The following NPHP4 variants were observed in gnomAD, a reference collection of about 807,000 sequenced individuals.
The protein encoded by NPHP4 is nephrocystin-4.
A neutral mutation model predicts 155.8 loss-of-function variants in NPHP4; 151 were observed. The ratio of observed to expected loss-of-function variants is 0.97; its 90% CI spans 0.85 to 1.11. The LOEUF (loss-of-function observed/expected upper bound fraction) is 1.11. NPHP4 is among the 50% of genes least tolerant of loss of function. NPHP4 has a pLI of 0.00. For missense variants in NPHP4, 1,956 were observed against 1,925.7 expected (o/e 1.02, Z -0.29); for synonymous variants, 845 against 816.8 (o/e 1.03, Z -0.59).
At chr1:5,988,040 A>G (rs1655736024) in intron 1 of NPHP4, among the ~76,000 whole-genome samples, 1 of 152,242 alleles carries the variant, frequency 6.6e-6, no homozygotes, top group South Asian at 2.1e-4. Flanking sequence ...ATGTGTCAAT[A>G]GTTGGAAGGT....
At chr1:5,919,274 A>G (rs1645620993) in intron 11 of NPHP4, among the ~76,000 whole-genome samples, 2 of 152,342 alleles carry the variant, frequency 1.3e-5, no homozygotes, top group African/African-American at 4.8e-5. Context: ...CATAACTGTA[A>G]AACTCCCCAC....
At chr1:5,895,485 G>A (rs1452056751) in intron 16 of NPHP4, among the ~76,000 whole-genome samples, 1 of 152,150 alleles carries the variant, frequency 6.6e-6, no homozygotes, top group Non-Finnish European at 1.5e-5. Context: ...GGGCAACAGA[G>A]TAAGACTTCG....
chr1:5,931,253 T>C (rs1320179289), intron 10 of NPHP4, among the ~76,000 whole-genome samples: 1 of 152,168 alleles, frequency 6.6e-6, no homozygotes, highest in Non-Finnish European at 1.5e-5. Flanking sequence ...TTACACGTAA[T>C]GTAATTATAG....
intron 3 of NPHP4, among the ~76,000 whole-genome samples, chr1:5,970,834 G>GATGCAT (rs754285804): frequency 1.4e-4 from 22 of 151,966 alleles, no homozygotes. Context: ...ATAACAGAGA[G>GATGCAT]ATGCATTAAA....
At chr1:5,879,671 G>A (rs753571045) in intron 19 of NPHP4, 9 of 508,766 alleles carry the variant, frequency 1.8e-5, no homozygotes, top group Middle Eastern at 6.5e-4. Context: ...TGGCTCGGTG[G>A]GGCCTGTGGG....
intron 23 of NPHP4, among the ~76,000 whole-genome samples, chr1:5,868,826 GCA>G (rs1036037709): frequency 1.5e-4 from 13 of 86,172 alleles, no homozygotes; most frequent in East Asian, 1.5e-3. Context: ...ACCCACACAT[GCA>G]CACACGCACC....
At chr1:5,973,413 C>T (rs1006210514) in intron 3 of NPHP4, among the ~76,000 whole-genome samples, 6 of 152,208 alleles carry the variant, frequency 3.9e-5, no homozygotes, top group African/African-American at 1.2e-4. Flanking sequence ...AATATCTAAC[C>T]CCAGCTCTAC....
chr1:5,990,046 G>A (rs1656011880), intron 1 of NPHP4, among the ~76,000 whole-genome samples: 2 of 152,208 alleles, frequency 1.3e-5, no homozygotes, highest in South Asian at 4.1e-4. Context: ...GGGAGCCCAA[G>A]CGCCCGCAGC....
chr1:5,956,059 T>TGGG lies in NPHP4; in HGVS notation c.674-3226_674-3224dup, dbSNP rs35135056. 1.3e-3 allele frequency among the ~76,000 whole-genome samples: 140 copies of TGGG among 105,456 alleles called. 1 individual carries two copies. Among genetic ancestry groups the TGGG allele is most frequent in the South Asian group, 2.4e-3 (8 of 3,290 alleles). 69.2% of individuals were successfully genotyped at this position (105,456 alleles called of 152,430 possible). A position where few individuals can be genotyped will look rare whatever the true frequency, so the allele number is the denominator to read the frequency against. On this transcript the variant is annotated intron_variant, in intron 6 of 29. Transcript: ENST00000378156. ...ATTTTAACAGAATGTTTCAAAAAGC[T>TGGG]GGGGGGGGGGGGTGCAGGGAGGGAT...
intron 23 of NPHP4, among the ~76,000 whole-genome samples, chr1:5,871,340 T>C (rs949201823): frequency 1.3e-5 from 2 of 152,124 alleles, no homozygotes; most frequent in African/African-American, 2.4e-5. Context: ...GGTGCCTCCA[T>C]GGGATGAGAA....
Position 5,909,179 on chromosome 1 carries a change from G to C in NPHP4, c.1476C>G (p.Ala492=), listed in dbSNP as rs2101236808. 1 of 1,603,602 alleles carries C rather than the reference G, an allele frequency of 6.2e-7. No homozygotes were observed. Among genetic ancestry groups the C allele is most frequent in the East Asian group, 2.2e-5 (1 of 44,578 alleles). ...PPAPVPRVLA[A]PQNSPVGPGL... is the part of the protein sequence containing the mutation. Reference sequence around the variant, plus strand: ...CTGGTCCCACAGGTGAGTTCTGCGGGGCAGCGAGAACTCGAGGTACTGGCG... The same window carrying C: ...CTGGTCCCACAGGTGAGTTCTGCGGCGCAGCGAGAACTCGAGGTACTGGCG... The change falls in exon 12 of 30, where the codon GCC becomes GCG. Residue 492 remains alanine, a synonymous_variant. Coordinates refer to ENST00000378156, the MANE Select transcript of NPHP4 (RefSeq NM_015102.5).
At position 5,973,957 on chromosome 1, in the gene NPHP4, C is replaced by A. The variant is rs994369814; in HGVS notation, c.279+4313G>T. 5.9e-5 allele frequency among the ~76,000 whole-genome samples: 9 copies of A among 152,208 alleles called. 1 individual carries two copies. Among genetic ancestry groups the A allele is most frequent in the African/African-American group, 2.2e-4 (9 of 41,444 alleles). The stretch of plus-strand genomic sequence containing the variant: ...TTGTTGTGATGATGTTCAGGACATG[C>A]CTGCCCTCTGCCGAGCAACAGCAAG... On this transcript the variant is annotated intron_variant, in intron 3 of 29. Transcript: ENST00000378156.
At chr1:5,923,276 C>A (rs987731205) in intron 11 of NPHP4, among the ~76,000 whole-genome samples, 1 of 152,198 alleles carries the variant, frequency 6.6e-6, no homozygotes, top group Non-Finnish European at 1.5e-5. Flanking sequence ...TTGACCCTCC[C>A]ATCTAAAATA....
At chr1:5,949,826 C>T (rs1190154329) in intron 7 of NPHP4, among the ~76,000 whole-genome samples, 1 of 152,134 alleles carries the variant, frequency 6.6e-6, no homozygotes, top group African/African-American at 2.4e-5. Context: ...CAGGAAGCAG[C>T]ACACAGTGAA....
chr1:5,888,326 C>T (rs565023527), intron 17 of NPHP4: 21 of 1,048,090 alleles, frequency 2.0e-5, no homozygotes, highest in Non-Finnish European at 2.2e-5. Flanking sequence ...GGACACTCTT[C>T]CCCCGTGCCC....
chr1:5,871,488 A>C (rs1447078874), intron 23 of NPHP4, among the ~76,000 whole-genome samples: 2 of 152,212 alleles, frequency 1.3e-5, no homozygotes, highest in East Asian at 3.9e-4. Flanking sequence ...TTTCAAGTAC[A>C]AAGTATATTT....
At position 5,969,119 on chromosome 1, in the gene NPHP4, C is replaced by T. The variant is rs377403419; in HGVS notation, c.420G>A (p.Pro140=). ...CCTGGGAAGCAGAGATAGGAGAGTC[C>T]GGCTGGTTGCTGAAGATCCGAAGAA... ...FGILRIFSNQ[P]DSPISASQDK... The change falls in exon 4 of 30, where the codon CCG becomes CCA. Residue 140 remains proline (P), a synonymous_variant. Transcript: ENST00000378156. 16 of 1,551,022 alleles carry T rather than the reference C, an allele frequency of 1.0e-5. No individual in the cohort carries two copies. Among genetic ancestry groups the T allele is most frequent in the East Asian group, 2.4e-5 (1 of 40,904 alleles).
At chr1:5,874,286 G>C (rs955371167) in intron 22 of NPHP4, among the ~76,000 whole-genome samples, 185 bp downstream of exon 22, 6 of 131,620 alleles carry the variant, frequency 4.6e-5, no homozygotes, top group African/African-American at 1.7e-4. Flanking sequence ...AAAAGAGAAG[G>C]GGCTGGTTGC....
chr1:5,971,860 G>A (rs1299549084), intron 3 of NPHP4, among the ~76,000 whole-genome samples: 6 of 152,240 alleles, frequency 3.9e-5, no homozygotes, highest in Non-Finnish European at 5.9e-5. Flanking sequence ...AGAGGGAGAC[G>A]GGCTCTCTGT....
Sources: allele counts gnomAD v4.1 joint callset (sites outside exome capture counted in the v4.1 genomes callset), GRCh38; gene constraint gnomAD v4.1.1; transcripts MANE v1.5; gene names NCBI Gene and HGNC (gene_info 2026-07-23, HGNC 2026-07-21).